The following ALCAM variants were observed in gnomAD, a reference collection of about 807,000 sequenced individuals.
The protein encoded by ALCAM is activated leukocyte cell adhesion molecule.
Under a neutral mutation model 70.9 loss-of-function variants are expected in ALCAM, and 30 were observed. That is an observed-to-expected ratio of 0.42 (90% CI 0.32 to 0.57). ALCAM has a LOEUF of 0.57. Ranked by LOEUF, ALCAM falls within the 20% of genes least tolerant of loss-of-function variation. The pLI is 0.11. For synonymous variants in ALCAM, 249 were observed against 242.5 expected (o/e 1.03, Z -0.25); for missense variants, 591 against 695.1 (o/e 0.85, Z 1.68).
At chr3:105,558,684 C>T (rs763424111) in intron 14 of ALCAM, among the ~76,000 whole-genome samples, 2 of 152,110 alleles carry the variant, frequency 1.3e-5, no homozygotes, top group East Asian at 1.9e-4. Flanking sequence ...AAACGCACTG[C>T]GCTTAAGGGA....
At chr3:105,480,397 T>A (rs1416468230) in intron 1 of ALCAM, among the ~76,000 whole-genome samples, 1 of 151,834 alleles carries the variant, frequency 6.6e-6, no homozygotes, top group African/African-American at 2.4e-5. Flanking sequence ...AAATTGCTGC[T>A]CTAGCTGGTG....
intron 1 of ALCAM, among the ~76,000 whole-genome samples, chr3:105,469,394 C>A (rs1294900816): frequency 1.3e-5 from 2 of 151,112 alleles, no homozygotes; most frequent in Non-Finnish European, 3.0e-5. Flanking sequence ...ATTTCTTCTC[C>A]TCGCTTTCCA....
At chr3:105,568,811 T>A (rs1403074008) in intron 14 of ALCAM, among the ~76,000 whole-genome samples, 39 of 152,208 alleles carry the variant, frequency 2.6e-4, no homozygotes, top group Non-Finnish European at 1.5e-5. Context: ...ATTCACATAC[T>A]TCATTCTGTA....
At chr3:105,470,443 G>C (rs1213108865) in intron 1 of ALCAM, among the ~76,000 whole-genome samples, 1 of 151,100 alleles carries the variant, frequency 6.6e-6, no homozygotes, top group East Asian at 1.9e-4. Context: ...AATAGGATAA[G>C]AAACCATGTT....
chr3:105,412,192 A>G (rs1405128349), intron 1 of ALCAM, among the ~76,000 whole-genome samples: 1 of 152,130 alleles, frequency 6.6e-6, no homozygotes, highest in Non-Finnish European at 1.5e-5. Context: ...TGTTTAATAT[A>G]TTAGAATGGG....
intron 1 of ALCAM, among the ~76,000 whole-genome samples, chr3:105,505,706 A>G (rs4521267): frequency 0.96 from 146,271 of 152,224 alleles, 70,528 homozygotes; most frequent in East Asian, 1. Context: ...AAAATATTGA[A>G]GACTGTTTGG....
intron 1 of ALCAM, among the ~76,000 whole-genome samples, chr3:105,518,228 T>C (rs371164816): frequency 1.3e-5 from 2 of 152,118 alleles, no homozygotes; most frequent in East Asian, 1.9e-4. Flanking sequence ...CAAAGGAAGG[T>C]ATGATTTCAA....
intron 1 of ALCAM, among the ~76,000 whole-genome samples, chr3:105,494,186 GA>G (rs368605915): frequency 2.0e-5 from 3 of 152,232 alleles, no homozygotes; most frequent in Admixed American, 6.5e-5. Flanking sequence ...CAATGGGGGG[GA>G]AAAAGCTATT....
intron 1 of ALCAM, among the ~76,000 whole-genome samples, chr3:105,470,593 T>C (rs1166103848): frequency 6.6e-6 from 1 of 151,276 alleles, no homozygotes; most frequent in Non-Finnish European, 1.5e-5. Context: ...ATCAGCATTT[T>C]GTAACACTCA....
intron 1 of ALCAM, among the ~76,000 whole-genome samples, chr3:105,404,897 A>C (rs944001724): frequency 1.3e-5 from 2 of 152,116 alleles, no homozygotes; most frequent in Non-Finnish European, 1.5e-5. Flanking sequence ...GTGGAAAAAG[A>C]TATTCCGCAA....
intron 1 of ALCAM, among the ~76,000 whole-genome samples, chr3:105,377,456 A>G (rs1935406562): frequency 6.6e-6 from 1 of 152,082 alleles, no homozygotes; most frequent in African/African-American, 2.4e-5. Flanking sequence ...AAATCCCAAC[A>G]AAAGTAAGAT....
At chr3:105,566,843 C>A (rs1940753633) in intron 14 of ALCAM, among the ~76,000 whole-genome samples, 1 of 152,084 alleles carries the variant, frequency 6.6e-6, no homozygotes, top group Non-Finnish European at 1.5e-5. Flanking sequence ...TACATATCTA[C>A]AATCTGTATT....
intron 1 of ALCAM, among the ~76,000 whole-genome samples, chr3:105,483,060 T>C (rs533796469): frequency 6.6e-6 from 1 of 152,282 alleles, no homozygotes. Flanking sequence ...TAAATGAATT[T>C]AGATTTTGCC....
intron 14 of ALCAM, among the ~76,000 whole-genome samples, chr3:105,569,696 C>A (rs953907876): frequency 1.3e-5 from 2 of 152,094 alleles, no homozygotes; most frequent in Admixed American, 1.3e-4. Context: ...GTATTATGTG[C>A]TATGGATAAA....
rs1330128426 is a variant in ALCAM, at chr3:105,543,520, AG to A, written c.992-1702del. On this transcript the variant is annotated intron_variant, in intron 8 of 15. Transcript: ENST00000306107. Reference sequence around the variant, plus strand: ...ATTGCTTGCTTATTTTCCAAAAACAAGATTTGTTTCCTTTTCAAACATGTCT... The same window carrying A: ...ATTGCTTGCTTATTTTCCAAAAACAAATTTGTTTCCTTTTCAAACATGTCT... Among the ~76,000 whole-genome samples the A allele has an allele frequency of 5.5e-4, 83 of 151,664 alleles. 1 individual carries two copies. The South Asian group carries it at 0.011, about 19-fold the overall frequency.
At chr3:105,412,848 C>A (rs1458017894) in intron 1 of ALCAM, among the ~76,000 whole-genome samples, 1 of 151,986 alleles carries the variant, frequency 6.6e-6, no homozygotes, top group Non-Finnish European at 1.5e-5. Flanking sequence ...AAAATAAGAA[C>A]TGATGGGTGT....
intron 15 of ALCAM, among the ~76,000 whole-genome samples, chr3:105,574,012 T>C (rs1305205547): frequency 6.6e-6 from 1 of 152,214 alleles, no homozygotes; most frequent in East Asian, 1.9e-4. Context: ...GGAGGTCAAG[T>C]ATGCAGCATT....
intron 1 of ALCAM, among the ~76,000 whole-genome samples, chr3:105,440,439 T>G (rs1197377658): frequency 5.3e-5 from 8 of 152,192 alleles, no homozygotes; most frequent in Admixed American, 4.6e-4. Context: ...GAGGTTGTGA[T>G]GAAGTTGAAG....
intron 1 of ALCAM, among the ~76,000 whole-genome samples, chr3:105,476,288 T>C (rs900449165): frequency 2.6e-5 from 4 of 152,090 alleles, no homozygotes; most frequent in African/African-American, 9.7e-5. Flanking sequence ...TATGTTTCTG[T>C]ACCAGCTCTC....
Sources: gnomAD v4.1 joint callset for allele counts (sites outside exome capture counted in the v4.1 genomes callset) on GRCh38, gnomAD v4.1.1 for gene constraint, MANE v1.5 for transcripts, NCBI Gene and HGNC (gene_info 2026-07-23, HGNC 2026-07-21) for gene names.